SLC23A2: variants seen among roughly 807,000 people sequenced by gnomAD.
SLC23A2 encodes the protein Na(+)/L-ascorbic acid transporter 2.
In SLC23A2, 36 loss-of-function variants were observed where a neutral mutation model predicts 73.3. The ratio of observed to expected loss-of-function variants is 0.49; its 90% CI spans 0.38 to 0.65. The LOEUF is 0.65. Ranked by LOEUF, SLC23A2 falls within the 30% of genes least tolerant of loss-of-function variation. The pLI is 0.00. For synonymous variants in SLC23A2, 343 were observed against 327.3 expected, an observed-to-expected ratio of 1.05 and a Z score of -0.52; for missense variants, 507 against 841.6, an observed-to-expected ratio of 0.60 and a Z score of 4.92.
At chr20:4,915,276 T>C (rs1932284542) in intron 3 of SLC23A2, among the ~76,000 whole-genome samples, 1 of 152,140 alleles carries the variant, frequency 6.6e-6, no homozygotes, top group East Asian at 1.9e-4. Flanking sequence ...CTCACAACCC[T>C]TTGTAAGTGT....
rs538934511 is a variant in SLC23A2 at position 4,899,306 on chromosome 20, G to C, written c.482+249C>G. On this transcript the variant is annotated intron_variant, in intron 6 of 16. Transcript: ENST00000338244. The surrounding 1 kb of genome is among the most constrained non-coding windows in gnomAD (Gnocchi z 4.9). ...GCGAGCATGACTTGCCAAGGGGGCA[G>C]GGGAAGGAGAGTGAGGCTGAGTTTC... Among the ~76,000 whole-genome samples, 1 of 152,304 alleles carries C rather than the reference G, an allele frequency of 6.6e-6. No individual in the cohort carries two copies. The highest frequency in any genetic ancestry group is 2.4e-5 in the African/African-American group (1 of 41,552).
At chr20:4,925,509 C>A (rs941594230) in intron 3 of SLC23A2, among the ~76,000 whole-genome samples, 1 of 152,184 alleles carries the variant, frequency 6.6e-6, no homozygotes, top group Non-Finnish European at 1.5e-5. Context: ...TGCCCAATAA[C>A]CATCTGCTGA....
At chr20:4,927,129 G>A (rs990215546) in intron 3 of SLC23A2, among the ~76,000 whole-genome samples, 12 of 152,066 alleles carry the variant, frequency 7.9e-5, no homozygotes, top group African/African-American at 4.8e-5. Flanking sequence ...CACTAGCCAC[G>A]TGTGGCTATG....
intron 1 of SLC23A2, among the ~76,000 whole-genome samples, chr20:4,999,808 T>C (rs1298906402): frequency 1.3e-5 from 2 of 152,174 alleles, no homozygotes; most frequent in Admixed American, 6.5e-5. Flanking sequence ...TAAAATACTG[T>C]CAACATAAAA....
At chr20:4,925,199 G>T (rs1932629580) in intron 3 of SLC23A2, among the ~76,000 whole-genome samples, 1 of 151,410 alleles carries the variant, frequency 6.6e-6, no homozygotes, top group Non-Finnish European at 1.5e-5. Flanking sequence ...AAAAAAAAAG[G>T]ATGGAAACTC....
intron 4 of SLC23A2, among the ~76,000 whole-genome samples, chr20:4,907,857 A>C (rs1932011395): frequency 6.6e-6 from 1 of 152,282 alleles, no homozygotes; most frequent in East Asian, 1.9e-4. Context: ...ATTCTTACTA[A>C]GGAAGGCCTT....
intron 2 of SLC23A2, among the ~76,000 whole-genome samples, chr20:4,949,434 C>T (rs2087165999): frequency 6.6e-6 from 1 of 151,866 alleles, no homozygotes; most frequent in Non-Finnish European, 1.5e-5. Flanking sequence ...ACCTGAAAAA[C>T]ACAGAAATTT....
At chr20:4,946,545 T>C (rs2122975093) in intron 2 of SLC23A2, among the ~76,000 whole-genome samples, 1 of 152,256 alleles carries the variant, frequency 6.6e-6, no homozygotes. Context: ...ACTGACAGAA[T>C]GAAACAAGAT....
chr20:4,881,336 G>A (rs942083808), intron 9 of SLC23A2, among the ~76,000 whole-genome samples: 7 of 152,194 alleles, frequency 4.6e-5, no homozygotes, highest in African/African-American at 9.7e-5. Flanking sequence ...AAAGAAATGC[G>A]ATTTCCTTGG....
intron 2 of SLC23A2, among the ~76,000 whole-genome samples, chr20:4,961,380 CCTAT>C (rs1354037900): frequency 2.1e-4 from 32 of 152,098 alleles, no homozygotes; most frequent in African/African-American, 6.8e-4. Context: ...CCACGCCTGG[CCTAT>C]CTATTTTTTT....
chr20:4,980,040 C>T (rs2087702629), intron 1 of SLC23A2, among the ~76,000 whole-genome samples: 1 of 152,036 alleles, frequency 6.6e-6, no homozygotes, highest in Non-Finnish European at 1.5e-5. Context: ...TTAAAAAGTA[C>T]TCAAACTCAC....
At chr20:4,964,964 G>A (rs2087452125) in intron 2 of SLC23A2, among the ~76,000 whole-genome samples, 1 of 151,716 alleles carries the variant, frequency 6.6e-6, no homozygotes, top group Admixed American at 6.6e-5. Context: ...TCCAGATGAT[G>A]GGATTATATG....
chr20:4,918,665 A>G (rs1197011249), intron 3 of SLC23A2, among the ~76,000 whole-genome samples: 1 of 152,040 alleles, frequency 6.6e-6, no homozygotes, highest in Non-Finnish European at 1.5e-5. Context: ...GTGTGCCCAC[A>G]TTTCTCAAGC....
At position 4,857,570 on chromosome 20, in the gene SLC23A2, C is replaced by G. The variant is rs1929776512; in HGVS notation, c.1721-366G>C. 6.6e-6 allele frequency among the ~76,000 whole-genome samples: 1 copy of G among 152,148 alleles called. No individual in the cohort carries two copies. Among genetic ancestry groups the G allele is most frequent in the African/African-American group, 2.4e-5 (1 of 41,428 alleles). Reference sequence around the variant, plus strand: ...CATGTTATTGCTTTCCTGGTTCATTCTATCGGTCTCCCATCTGGTTACCTA... The same window carrying G: ...CATGTTATTGCTTTCCTGGTTCATTGTATCGGTCTCCCATCTGGTTACCTA... On this transcript the variant is annotated intron_variant, in intron 16 of 16. Coordinates refer to ENST00000338244, the MANE Select transcript of SLC23A2 (RefSeq NM_005116.6). The surrounding 1 kb of genome is among the most constrained non-coding windows in gnomAD (Gnocchi z 4.0).
chr20:4,869,329 C>CAAAAAAAAAA (rs1421843627), intron 12 of SLC23A2, among the ~76,000 whole-genome samples: 1 of 79,986 alleles, frequency 1.3e-5, no homozygotes, highest in Non-Finnish European at 2.6e-5. Flanking sequence ...TAAAAACAAA[C>CAAAAAAAAAA]AAACAAAAAA....
chr20:4,955,559 T>C (rs1241069469), intron 2 of SLC23A2, among the ~76,000 whole-genome samples: 1 of 151,946 alleles, frequency 6.6e-6, no homozygotes, highest in African/African-American at 2.4e-5. Flanking sequence ...GAGGCCAAGG[T>C]AGGAGTAACA....
chr20:4,913,347 T>C (rs149590718), intron 3 of SLC23A2, among the ~76,000 whole-genome samples: 1 of 152,166 alleles, frequency 6.6e-6, no homozygotes, highest in Non-Finnish European at 1.5e-5. Context: ...GAAGGGGAAA[T>C]GTTCTAGCTG....
intron 1 of SLC23A2, among the ~76,000 whole-genome samples, chr20:4,994,581 G>A (rs1452935475): frequency 2.6e-5 from 4 of 152,108 alleles, no homozygotes; most frequent in Middle Eastern, 6.8e-3. Flanking sequence ...TCAGGAGTTC[G>A]AGACCAGCCT....
In SLC23A2 at chr20:4,891,974, G is replaced by A. The variant is rs184380241; in HGVS notation, c.483-6065C>T. Among the ~76,000 whole-genome samples, 486 of 152,114 alleles carry A rather than the reference G, an allele frequency of 3.2e-3. 3 individuals carry two copies. The highest frequency in any genetic ancestry group is 0.011 in the African/African-American group (466 of 41,484). On this transcript the variant is annotated intron_variant, in intron 6 of 16. Transcript: ENST00000338244. Reference sequence around the variant, plus strand: ...TCCTTATGTTGCCCAGGCTGGTCTTGAACTTCGGGGCTCAAGTGATCCTCC... The same window carrying A: ...TCCTTATGTTGCCCAGGCTGGTCTTAAACTTCGGGGCTCAAGTGATCCTCC...
Sources: gnomAD v4.1 joint callset for allele counts (sites outside exome capture counted in the v4.1 genomes callset) on GRCh38, gnomAD v4.1.1 for gene constraint, Gnocchi (gnomAD v3.1) non-coding constraint, MANE v1.5 for transcripts, NCBI Gene and HGNC (gene_info 2026-07-23, HGNC 2026-07-21) for gene names.